Variants in MIPOL1 observed in about 807,000 individuals in gnomAD.
MIPOL1 encodes the protein mirror-image polydactyly gene 1 protein.
A neutral mutation model predicts 60.9 loss-of-function variants in MIPOL1; 57 were observed. That is an observed-to-expected ratio of 0.94 (90% CI 0.76 to 1.17). The LOEUF (loss-of-function observed/expected upper bound fraction) is 1.17, where lower values mean the gene tolerates loss of function less well. MIPOL1 is among the 50% of genes most tolerant of loss of function. The pLI is 0.00. For synonymous variants in MIPOL1, 179 were observed against 168.8 expected (o/e 1.06, Z -0.47); for missense variants, 551 against 511.6 (o/e 1.08, Z -0.74).
intron 10 of MIPOL1, among the ~76,000 whole-genome samples, chr14:37,391,394 G>A (rs1008108165): frequency 8.2e-6 from 1 of 122,678 alleles, no homozygotes; most frequent in East Asian, 2.6e-4. Flanking sequence ...ATCTAATGAA[G>A]CCTAATCTTT....
At chr14:37,456,797 CT>C (rs1390454480) in intron 11 of MIPOL1, among the ~76,000 whole-genome samples, 1 of 151,852 alleles carries the variant, frequency 6.6e-6, no homozygotes, top group African/African-American at 2.4e-5. Flanking sequence ...CATTTCAGAC[CT>C]TTTCTTAATA....
At chr14:37,529,222 A>G (rs2095465847) in intron 12 of MIPOL1, among the ~76,000 whole-genome samples, 1 of 152,184 alleles carries the variant, frequency 6.6e-6, no homozygotes, top group African/African-American at 2.4e-5. Flanking sequence ...TTTAGTGGAA[A>G]ATGTAGACTA....
At chr14:37,318,024 G>T (rs2088115699) in intron 9 of MIPOL1, among the ~76,000 whole-genome samples, 1 of 152,172 alleles carries the variant, frequency 6.6e-6, no homozygotes, top group South Asian at 2.1e-4. Context: ...ATGGGTGCTA[G>T]AACTTTCCTA....
chr14:37,383,063 CA>C (rs1307615842), intron 10 of MIPOL1, among the ~76,000 whole-genome samples: 1 of 151,646 alleles, frequency 6.6e-6, no homozygotes, highest in African/African-American at 2.4e-5. Flanking sequence ...TGATAACTTA[CA>C]GCCTTTTCTT....
intron 6 of MIPOL1, among the ~76,000 whole-genome samples, chr14:37,283,303 G>A (rs2153407985): frequency 6.6e-6 from 1 of 152,188 alleles, no homozygotes; most frequent in South Asian, 2.1e-4. Context: ...CTCACCTCAG[G>A]TGATCCACCT....
chr14:37,497,044 A>T (rs1376216124), intron 11 of MIPOL1, among the ~76,000 whole-genome samples: 1 of 151,998 alleles, frequency 6.6e-6, no homozygotes, highest in Non-Finnish European at 1.5e-5. Context: ...GCAATGGGGA[A>T]AGGATTCCCT....
In MIPOL1 at chr14:37,317,494, T is replaced by A. The variant is rs1246681688; in HGVS notation, c.828+8975T>A. ...TTGATTTTAACTAAGACTGAGATTT[T>A]AATGGGTGAGGGACCAGAGAGTTAT... On this transcript the variant is annotated intron_variant, in intron 9 of 12. Coordinates refer to ENST00000684589, the MANE Select transcript of MIPOL1 (RefSeq NM_001388067.1). 5.3e-5 allele frequency among the ~76,000 whole-genome samples: 8 copies of A among 152,134 alleles called. No homozygotes were observed. The South Asian group carries it at 1.7e-3, about 31-fold the overall frequency.
At chr14:37,306,058 C>A (rs961675215) in intron 7 of MIPOL1, among the ~76,000 whole-genome samples, 2 of 151,772 alleles carry the variant, frequency 1.3e-5, no homozygotes, top group East Asian at 3.9e-4. Context: ...TTGATAAGAA[C>A]TTTTGATTCT....
chr14:37,419,680 C>T (rs543286711), intron 10 of MIPOL1, among the ~76,000 whole-genome samples: 59 of 151,528 alleles, frequency 3.9e-4, no homozygotes, highest in East Asian at 1.4e-3. Context: ...TTTTCTTTGG[C>T]GCTGGGAAGG....
chr14:37,476,141 G>C (rs1409442211), intron 11 of MIPOL1, among the ~76,000 whole-genome samples: 1 of 152,112 alleles, frequency 6.6e-6, no homozygotes, highest in Non-Finnish European at 1.5e-5. Flanking sequence ...GTATACCTAA[G>C]TATTTCTCTT....
Position 37,351,357 on chromosome 14 carries a change from C to T in MIPOL1, c.829-18160C>T, listed in dbSNP as rs1222612123. 7.6e-3 allele frequency among the ~76,000 whole-genome samples: 1,097 copies of T among 144,514 alleles called. 12 individuals are homozygous for T. The highest frequency in any genetic ancestry group is 0.026 in the African/African-American group (1,032 of 39,046). 94.8% of individuals were successfully genotyped at this position (144,514 alleles called of 152,430 possible). A position where few individuals can be genotyped will look rare whatever the true frequency, so the allele number is the denominator to read the frequency against. ...AAGTCTTTGCTATTGTGAATAATGC[C>T]GCAATAAACATACGTGTGCATGTGT... On this transcript the variant is annotated intron_variant, in intron 9 of 12. Transcript: ENST00000684589.
At chr14:37,536,637 G>T (rs1413644056) in intron 12 of MIPOL1, among the ~76,000 whole-genome samples, 2 of 151,970 alleles carry the variant, frequency 1.3e-5, no homozygotes, top group South Asian at 2.1e-4. Context: ...GTTTTTTCTC[G>T]CTCTCTCTAG....
intron 10 of MIPOL1, among the ~76,000 whole-genome samples, chr14:37,405,469 A>G (rs1486014546): frequency 2.0e-5 from 3 of 152,154 alleles, no homozygotes; most frequent in Admixed American, 2.0e-4. Flanking sequence ...AAAAGTGTTT[A>G]AGAAAACTTA....
At position 37,382,557 on chromosome 14, in the gene MIPOL1, G is replaced by T. The variant is rs143707895; in HGVS notation, c.936+12933G>T. Among the ~76,000 whole-genome samples, 651 of 151,942 alleles carry T rather than the reference G, an allele frequency of 4.3e-3. 1 individual carries two copies. Among genetic ancestry groups the T allele is most frequent in the Non-Finnish European group, 7.0e-3 (475 of 67,870 alleles). On this transcript the variant is annotated intron_variant, in intron 10 of 12. Coordinates refer to ENST00000684589, the MANE Select transcript of MIPOL1 (RefSeq NM_001388067.1). Reference sequence around the variant, plus strand: ...TAATATTTTTGACATGAGTATTGACGTTTAGACATACGGTTTTTACCAGTT... The same window carrying T: ...TAATATTTTTGACATGAGTATTGACTTTTAGACATACGGTTTTTACCAGTT...
At chr14:37,342,618 G>A (rs1458692088) in intron 9 of MIPOL1, among the ~76,000 whole-genome samples, 5 of 151,832 alleles carry the variant, frequency 3.3e-5, no homozygotes, top group African/African-American at 1.2e-4. Flanking sequence ...GGCTGGTCTC[G>A]AACTCCTGAC....
intron 11 of MIPOL1, among the ~76,000 whole-genome samples, chr14:37,437,324 A>T (rs1038581349): frequency 1.3e-5 from 2 of 152,112 alleles, no homozygotes; most frequent in African/African-American, 4.8e-5. Context: ...TTCAATGTTA[A>T]TCTGATAAAG....
intron 11 of MIPOL1, among the ~76,000 whole-genome samples, chr14:37,499,584 C>T (rs2095184932): frequency 6.6e-6 from 1 of 152,084 alleles, no homozygotes; most frequent in Admixed American, 6.6e-5. Flanking sequence ...TTTTATTTGC[C>T]TAGAGATACT....
chr14:37,323,378 A>G (rs2415398), intron 9 of MIPOL1, among the ~76,000 whole-genome samples: 143,481 of 152,142 alleles, frequency 0.94, 68,037 homozygotes, highest in East Asian at 1. Context: ...GGTTACTGTA[A>G]CCTTGTAGTA....
At chr14:37,443,453 T>A in intron 11 of MIPOL1, among the ~76,000 whole-genome samples, 1 of 71,906 alleles carries the variant, frequency 1.4e-5, no homozygotes, top group East Asian at 4.4e-4. Flanking sequence ...AGAGACTATC[T>A]CACCAAAAAA....
Sources: allele counts gnomAD v4.1 joint callset (sites outside exome capture counted in the v4.1 genomes callset), GRCh38; gene constraint gnomAD v4.1.1; transcripts MANE v1.5; gene names NCBI Gene and HGNC (gene_info 2026-07-23, HGNC 2026-07-21).